Variants in MYO7B observed in about 807,000 individuals in gnomAD.
MYO7B encodes the protein myosin VIIB, also known as unconventional myosin-VIIb.
Under a neutral mutation model 259.7 loss-of-function variants are expected in MYO7B, and 212 were observed. The ratio of observed to expected loss-of-function variants is 0.82; its 90% CI spans 0.73 to 0.91. MYO7B has a LOEUF of 0.91. MYO7B is among the 40% of genes least tolerant of loss of function. The pLI, the probability that MYO7B is intolerant of heterozygous loss-of-function variation, is 0.00. For missense variants in MYO7B, 2,732 were observed against 2,813.5 expected, an observed-to-expected ratio of 0.97 and a Z score of 0.66; for synonymous variants, 1,197 against 1,166.4, an observed-to-expected ratio of 1.03 and a Z score of -0.54.
chr2:127,613,452 A>G lies in MYO7B; in HGVS notation c.3398+849A>G, dbSNP rs1680462263. On this transcript the variant is annotated intron_variant, in intron 26 of 47. Coordinates refer to ENST00000409816, the MANE Select transcript of MYO7B (RefSeq NM_001393586.1). The surrounding 1 kb of genome is among the most constrained non-coding windows in gnomAD (Gnocchi z 4.3). ...TTATATTTCTGTGCCAAGATTTCCT[A>G]TTTGTTCATTCACTATGAGCATTGT... Among the ~76,000 whole-genome samples, 1 of 152,120 alleles carries G rather than the reference A, an allele frequency of 6.6e-6. No homozygotes were observed. Among genetic ancestry groups the G allele is most frequent in the Admixed American group, 6.5e-5 (1 of 15,280 alleles).
chr2:127,605,420 ACT>A (rs1680125738), intron 19 of MYO7B, among the ~76,000 whole-genome samples: 1 of 152,052 alleles, frequency 6.6e-6, no homozygotes, highest in African/African-American at 2.4e-5. Flanking sequence ...ACGTGGTGAA[ACT>A]CCATCTCTAC....
rs887527649 is a variant in MYO7B, at chr2:127,632,106, T to C, written c.5250-140T>C. ...ATCGGGCAGCCTGGCACAGCTGGCA[T>C]GGTGCAGCCTGGCAGGTGCCCTCCC... On this transcript the variant is annotated intron_variant, in intron 38 of 47. Coordinates refer to ENST00000409816, the MANE Select transcript of MYO7B (RefSeq NM_001393586.1). 4.9e-6 allele frequency: 5 copies of C among 1,015,840 alleles called. No individual in the cohort carries two copies. In the African/African-American group the frequency reaches 6.5e-5, roughly 13 times the overall value. 62.9% of individuals were successfully genotyped at this position (1,015,840 alleles called of 1,614,324 possible).
At chr2:127,606,165 G>C (rs1453302459) in intron 20 of MYO7B, among the ~76,000 whole-genome samples, 1 of 152,184 alleles carries the variant, frequency 6.6e-6, no homozygotes, top group Non-Finnish European at 1.5e-5. Flanking sequence ...GCAGAATTTG[G>C]AGCATCCTCA....
intron 1 of MYO7B, among the ~76,000 whole-genome samples, chr2:127,542,776 T>A (rs1693056175): frequency 6.6e-6 from 1 of 152,064 alleles, no homozygotes; most frequent in Non-Finnish European, 1.5e-5. Context: ...TCTATCACCA[T>A]CTCAGAGAAG....
chr2:127,619,521 G>T (rs1349379811), intron 26 of MYO7B, among the ~76,000 whole-genome samples: 1 of 152,154 alleles, frequency 6.6e-6, no homozygotes, highest in Non-Finnish European at 1.5e-5. Flanking sequence ...CACAGAAAGA[G>T]GAGGGATGCA....
At chr2:127,554,768 T>G (rs1470331867) in intron 1 of MYO7B, among the ~76,000 whole-genome samples, 1 of 152,150 alleles carries the variant, frequency 6.6e-6, no homozygotes, top group Admixed American at 6.5e-5. Context: ...CTGCTTATTA[T>G]TGGTCTGTTC....
chr2:127,630,807 G>A lies in MYO7B; in HGVS notation c.4836G>A (p.Arg1612=), dbSNP rs1681441558. 1.9e-6 allele frequency: 3 copies of A among 1,612,980 alleles called. No homozygotes were observed. Among genetic ancestry groups the A allele is most frequent in the Non-Finnish European group, 2.5e-6 (3 of 1,179,806 alleles). Residue 1612 remains arginine (R), a synonymous_variant, in exon 36 of 48, where the codon AGG becomes AGA. Transcript: ENST00000409816. ...LSLLAMSPEK[R]KLAAQEGQFT... ...TGCTTGCCATGTCACCAGAGAAGAG[G>A]AAGCTGGCGGCTCAGGAGGGGCAGT...
intron 2 of MYO7B, among the ~76,000 whole-genome samples, chr2:127,563,279 C>T (rs1048965271): frequency 2.0e-5 from 3 of 152,166 alleles, no homozygotes; most frequent in African/African-American, 4.8e-5. Context: ...TCAGTACCTC[C>T]GAACACAGAA....
chr2:127,605,411 C>T (rs547265997), intron 19 of MYO7B, among the ~76,000 whole-genome samples: 4 of 152,248 alleles, frequency 2.6e-5, no homozygotes, highest in East Asian at 1.9e-4. Flanking sequence ...AACTGGTCAA[C>T]GTGGTGAAAC....
intron 2 of MYO7B, among the ~76,000 whole-genome samples, chr2:127,560,808 G>A (rs1474723531): frequency 2.0e-5 from 3 of 152,196 alleles, no homozygotes; most frequent in African/African-American, 7.2e-5. Flanking sequence ...TGAGTGCAAA[G>A]CCACACAGGA....
intron 36 of MYO7B, 104 bp from the exon 37 acceptor site, chr2:127,631,102 G>C: frequency 7.0e-7 from 1 of 1,438,642 alleles, no homozygotes; most frequent in Non-Finnish European, 9.2e-7. Context: ...GGCAGGGTGG[G>C]GTGCTCTGGC....
Position 127,559,982 on chromosome 2 carries a change from A to G in MYO7B, c.18+242A>G, listed in dbSNP as rs1464916449. ...CCCTCACTTTCATGTAGGGCTTAAC[A>G]TGTCCCTTTGTCTTGATAAAGGGAT... is the stretch of plus-strand genomic sequence containing the variant. On this transcript the variant is annotated intron_variant, in intron 2 of 47. Transcript: ENST00000409816. This position sits in a 1 kb window ranked among gnomAD's most constrained non-coding sequence, Gnocchi z 4.1. 3.3e-5 allele frequency among the ~76,000 whole-genome samples: 5 copies of G among 151,484 alleles called. No individual in the cohort carries two copies. The highest frequency in any genetic ancestry group is 1.2e-4 in the African/African-American group (5 of 41,194).
Position 127,632,328 on chromosome 2 carries a change from CAGA to C in MYO7B, c.5335_5337del (p.Lys1779del), listed in dbSNP as rs779431560. 6.2e-7 allele frequency: 1 copy of C among 1,608,974 alleles called. No individual in the cohort carries two copies. The highest frequency in any genetic ancestry group is 8.5e-7 in the Non-Finnish European group (1 of 1,178,352). On this transcript the variant is annotated inframe_deletion, in exon 39 of 48. Coordinates refer to ENST00000409816, the MANE Select transcript of MYO7B (RefSeq NM_001393586.1). ...CAGCAAGGGGCTGCTGCCCCATGCCCAGAAGTTTATAGACACTCGGAGGGGGAA... is the reference window on the plus strand; with the variant it reads ...CAGCAAGGGGCTGCTGCCCCATGCCCAGTTTATAGACACTCGGAGGGGGAA...
chr2:127,633,806 G>A (rs1681646686), intron 40 of MYO7B, among the ~76,000 whole-genome samples: 1 of 152,148 alleles, frequency 6.6e-6, no homozygotes, highest in Admixed American at 6.5e-5. Context: ...GCCTTGATCA[G>A]GGGCAGCAAA....
Position 127,592,916 on chromosome 2 carries a change from C to T in MYO7B, c.2115C>T (p.Gly705=), listed in dbSNP as rs1041645698. 4.7e-5 allele frequency: 75 copies of T among 1,603,156 alleles called. No individual in the cohort carries two copies. The highest frequency in any genetic ancestry group is 6.4e-5 in the Non-Finnish European group (75 of 1,175,556). Residue 705 remains glycine, a synonymous_variant, in exon 17 of 48, where the codon GGC becomes GGT. Coordinates refer to ENST00000409816, the MANE Select transcript of MYO7B (RefSeq NM_001393586.1). ...YTFEEFSQRF[G]VLLPNAMRMQ... is the part of the protein sequence containing the mutation. The stretch of plus-strand genomic sequence containing the variant: ...TCGAGGAGTTCTCGCAGAGGTTCGG[C>T]GTGTTGCTGCCCAACGCCATGCGGA...
intron 12 of MYO7B, among the ~76,000 whole-genome samples, chr2:127,582,654 C>A (rs1266031386): frequency 6.6e-6 from 1 of 152,232 alleles, no homozygotes; most frequent in East Asian, 1.9e-4. Flanking sequence ...GAGAGCCGGG[C>A]TAAGGCCCCG....
At chr2:127,579,606 G>C (rs1333498681) in intron 9 of MYO7B, among the ~76,000 whole-genome samples, 1 of 143,084 alleles carries the variant, frequency 7.0e-6, no homozygotes, top group African/African-American at 2.7e-5. Flanking sequence ...TTGTTTTTGA[G>C]ACAGGGTCTT....
chr2:127,620,278 A>G, intron 26 of MYO7B, 62 bp from the exon 27 acceptor site: 7 of 1,548,550 alleles, frequency 4.5e-6, no homozygotes, highest in Non-Finnish European at 5.3e-6. Context: ...GTGCCCAGGT[A>G]CCCCTGTCTC....
rs1680487272 is a variant in MYO7B, at chr2:127,614,143, A to G, written c.3398+1540A>G. On this transcript the variant is annotated intron_variant, in intron 26 of 47. Transcript: ENST00000409816. The surrounding 1 kb of genome is among the most constrained non-coding windows in gnomAD (Gnocchi z 4.6). ...CCCTCCAATATGGCAGACACATAAA[A>G]GCTATATTCGAATGATGTGTACTTT... 6.6e-6 allele frequency among the ~76,000 whole-genome samples: 1 copy of G among 152,128 alleles called. No homozygotes were observed. The highest frequency in any genetic ancestry group is 2.4e-5 in the African/African-American group (1 of 41,448).
Sources: gnomAD v4.1 joint callset for allele counts (sites outside exome capture counted in the v4.1 genomes callset) on GRCh38, gnomAD v4.1.1 for gene constraint, Gnocchi (gnomAD v3.1) non-coding constraint, MANE v1.5 for transcripts, NCBI Gene and HGNC (gene_info 2026-07-23, HGNC 2026-07-21) for gene names.